The following TBCD variants were observed in gnomAD, a reference collection of about 807,000 sequenced individuals.
The protein encoded by TBCD is tubulin-specific chaperone D.
A neutral mutation model predicts 169.3 loss-of-function variants in TBCD; 105 were observed. The observed-to-expected ratio is 0.62, with a 90% CI of 0.53 to 0.73. TBCD has a LOEUF of 0.73. Among genes scored for constraint, TBCD ranks in the 30% least tolerant of loss-of-function variants. The pLI, the probability that TBCD is intolerant of heterozygous loss-of-function variation, is 0.00. For synonymous variants in TBCD, 700 were observed against 643.9 expected (o/e 1.09, Z -1.32); for missense variants, 1,444 against 1,600.1 (o/e 0.90, Z 1.66).
rs1206646550 is a variant in TBCD at position 82,870,332 on chromosome 17, G to C, written c.1427G>C (p.Arg476Pro). The change falls in exon 14 of 39, where the codon CGT (arginine) becomes CCT (proline). Residue 476 changes from arginine to proline, a missense_variant. Transcript: ENST00000355528. ...TGCTACGTGTGCTGGGCCTTCGCGC[G>C]TGCCTATGAGCCTCAGGAGCTGAAG... ...AACYVCWAFARAYEPQELKPF... is the reference protein window; with the variant it reads ...AACYVCWAFAPAYEPQELKPF... The C allele has an allele frequency of 6.2e-7, 1 of 1,613,360 alleles. No individual in the cohort carries two copies. The highest frequency in any genetic ancestry group is 2.2e-5 in the East Asian group (1 of 44,896).
Position 82,929,816 on chromosome 17 carries a change from G to A in TBCD, c.2991+316G>A, listed in dbSNP as rs76068857. On this transcript the variant is annotated intron_variant, in intron 32 of 38. Transcript: ENST00000355528. Reference sequence around the variant, plus strand: ...ACCTGTGTCTGATGCCTGCATGTGGGTACCTGGGCTCCATCAGGTTCTAGA... The same window carrying A: ...ACCTGTGTCTGATGCCTGCATGTGGATACCTGGGCTCCATCAGGTTCTAGA... 7.1e-3 allele frequency: 3,549 copies of A among 500,782 alleles called. 116 individuals carry two copies. The highest frequency in any genetic ancestry group is 0.061 in the African/African-American group (3,170 of 51,682). The allele number at this position is 500,782 out of a possible 1,614,324, so 31.0% of individuals were successfully genotyped here. A position where few individuals can be genotyped will look rare whatever the true frequency, so the allele number is the denominator to read the frequency against.
intron 13 of TBCD, among the ~76,000 whole-genome samples, chr17:82,817,513 T>G (rs1175603591): frequency 6.6e-6 from 1 of 152,132 alleles, no homozygotes; most frequent in Non-Finnish European, 1.5e-5. Context: ...TCCGGGCTGG[T>G]CTCGAACTCC....
In TBCD at chr17:82,752,333, A is replaced by G. The variant is rs1400103676; in HGVS notation, c.140A>G (p.His47Arg). 7.0e-6 allele frequency: 10 copies of G among 1,429,776 alleles called. No homozygotes were observed. Among genetic ancestry groups the G allele is most frequent in the Non-Finnish European group, 9.1e-6 (10 of 1,103,974 alleles). The allele number at this position is 1,429,776 out of a possible 1,614,324, so 88.6% of individuals were successfully genotyped here. Residue 47 changes from histidine to arginine, a missense_variant, in exon 1 of 39, where the codon CAC (histidine) becomes CGC (arginine). His to Arg is a conservative substitution (Grantham distance 29, BLOSUM62 0). Transcript: ENST00000355528. ...CTGCTGGGCCGCCTGCGGGAGGTGC[A>G]CGGCGGCGGCGCGGAGCGCGAGGTG... ...RALLGRLREVHGGGAEREVAL... is the reference protein window; with the variant it reads ...RALLGRLREVRGGGAEREVAL...
At position 82,849,967 on chromosome 17, in the gene TBCD, G is replaced by GTGCTGTTGTTGC. The variant is rs1567886685; in HGVS notation, c.1319-20257_1319-20256insTGCTGTTGTTGC. On this transcript the variant is annotated intron_variant, in intron 13 of 38. Transcript: ENST00000355528. ...GCTGTTGTTGCCTGTGCTGCTGTTG[G>GTGCTGTTGTTGC]CTGTGCTGCTGTTGGCTGTGCTGCT... 1.5e-3 allele frequency among the ~76,000 whole-genome samples: 183 copies of GTGCTGTTGTTGC among 122,796 alleles called. 1 individual carries two copies. Among genetic ancestry groups the GTGCTGTTGTTGC allele is most frequent in the African/African-American group, 5.6e-3 (180 of 32,090 alleles). The allele number at this position is 122,796 out of a possible 152,430, so 80.6% of individuals were successfully genotyped here.
At chr17:82,814,433 G>T (rs1391113580) in intron 12 of TBCD, among the ~76,000 whole-genome samples, 1 of 152,228 alleles carries the variant, frequency 6.6e-6, no homozygotes, top group African/African-American at 2.4e-5. Flanking sequence ...CCTCACTCTC[G>T]GGAGATCTGA....
intron 13 of TBCD, chr17:82,838,868 G>T (rs1052505181): frequency 1.0e-6 from 1 of 985,304 alleles, no homozygotes; most frequent in East Asian, 1.1e-4. Flanking sequence ...TACAGTCGCC[G>T]CCTCATCCTG....
chr17:82,940,242 C>CACAT (rs1241459405), intron 37 of TBCD, among the ~76,000 whole-genome samples: 117 of 151,490 alleles, frequency 7.7e-4, no homozygotes, highest in African/African-American at 2.6e-3. Flanking sequence ...CACACACACA[C>CACAT]ACACTTCTAA....
intron 14 of TBCD, among the ~76,000 whole-genome samples, chr17:82,883,312 TAGG>T (rs1490222708): frequency 6.6e-6 from 1 of 152,236 alleles, no homozygotes; most frequent in Non-Finnish European, 1.5e-5. Context: ...TTTAGGCTGG[TAGG>T]AGGCGCAATC....
At chr17:82,830,782 A>G in intron 13 of TBCD, 1 of 1,613,662 alleles carries the variant, frequency 6.2e-7, no homozygotes, top group Non-Finnish European at 8.5e-7. Flanking sequence ...GAGGGGGCCC[A>G]TCCCGGAGCT....
At chr17:82,916,958 G>A (rs1599530002) in intron 23 of TBCD, among the ~76,000 whole-genome samples, 1 of 150,450 alleles carries the variant, frequency 6.6e-6, no homozygotes, top group Non-Finnish European at 1.5e-5. Flanking sequence ...AATTCTTTAC[G>A]CCTCCTTACA....
Position 82,903,498 on chromosome 17 carries a change from G to A in TBCD, c.1804+20G>A, listed in dbSNP as rs528615886. The A allele has an allele frequency of 5.7e-6, 9 of 1,575,590 alleles. No individual in the cohort carries two copies. Among genetic ancestry groups the A allele is most frequent in the Admixed American group, 1.8e-5 (1 of 54,430 alleles). On this transcript the variant is annotated intron_variant, in intron 19 of 38. Transcript: ENST00000355528. The surrounding 1 kb of genome is among the most constrained non-coding windows in gnomAD (Gnocchi z 4.8). ...CGCAAGGTGGGTGTGTGTCCCGGCCGGCCTGCGGGCACCATGCATGCACTG... is the reference window on the plus strand; with the variant it reads ...CGCAAGGTGGGTGTGTGTCCCGGCCAGCCTGCGGGCACCATGCATGCACTG...
At chr17:82,904,845 T>G (rs1158737044) in intron 19 of TBCD, among the ~76,000 whole-genome samples, 1 of 152,158 alleles carries the variant, frequency 6.6e-6, no homozygotes, top group Non-Finnish European at 1.5e-5. Context: ...CAGTGATAAT[T>G]AACCCTTGCT....
chr17:82,893,589 TA>T lies in TBCD; in HGVS notation c.1607del (p.Tyr536PhefsTer14). Reference protein sequence around the residue: ...HGIDILTTADYFAVGNRSNCF... With the variant: ...HGIDILTTADXFAVGNRSNCF... ...TATTGATATTTTGACCACAGCTGAC[TA>T]TTTTGCCGTCGGTAACAGATCCAAC... On this transcript the variant is annotated frameshift_variant, in exon 17 of 39. Coordinates refer to ENST00000355528, the MANE Select transcript of TBCD (RefSeq NM_005993.5). LOFTEE classifies it high-confidence loss of function. 6.2e-7 allele frequency: 1 copy of T among 1,612,312 alleles called. No individual in the cohort carries two copies. Among genetic ancestry groups the T allele is most frequent in the Non-Finnish European group, 8.5e-7 (1 of 1,179,152 alleles).
chr17:82,845,885 C>T (rs1474121504), intron 13 of TBCD, among the ~76,000 whole-genome samples: 2 of 152,232 alleles, frequency 1.3e-5, no homozygotes, highest in African/African-American at 4.8e-5. Flanking sequence ...CTGTTTTAAT[C>T]CTTTGTGTTC....
At chr17:82,902,510 G>A (rs1374736724) in intron 18 of TBCD, among the ~76,000 whole-genome samples, 1 of 152,224 alleles carries the variant, frequency 6.6e-6, no homozygotes, top group Non-Finnish European at 1.5e-5. Flanking sequence ...CGCTCAGGGT[G>A]TGGAGTCCTG....
intron 4 of TBCD, 143 bp from the exon 5 acceptor site, chr17:82,768,277 A>G: frequency 2.0e-6 from 2 of 992,680 alleles, no homozygotes; most frequent in Non-Finnish European, 3.0e-6. Context: ...AACGGCTTGC[A>G]TTTCTGGCCC....
Position 82,789,908 on chromosome 17 carries a change from G to A in TBCD, c.772-7849G>A, listed in dbSNP as rs529687682. Among the ~76,000 whole-genome samples, 10 of 152,330 alleles carry A rather than the reference G, an allele frequency of 6.6e-5. No homozygotes were observed. Among genetic ancestry groups the A allele is most frequent in the South Asian group, 4.1e-4 (2 of 4,828 alleles). On this transcript the variant is annotated intron_variant, in intron 7 of 38. Coordinates refer to ENST00000355528, the MANE Select transcript of TBCD (RefSeq NM_005993.5). The surrounding 1 kb of genome is among the most constrained non-coding windows in gnomAD (Gnocchi z 4.8). ...AGCCCAGCAACAAATGGGAGCTTCT[G>A]TGCTGCTGTCCGTGCATACGGCCCA...
rs747571234 is a variant in TBCD, at chr17:82,781,727, T to C, written c.771+6T>C. On this transcript the variant is annotated splice_donor_region_variant and intron_variant, in intron 7 of 38. Coordinates refer to ENST00000355528, the MANE Select transcript of TBCD (RefSeq NM_005993.5). ...ATGGGACGCTGCAGGCCCTGGTAAGTGCTGCCCGCAGGGGCTGTGGAGATC... is the reference window on the plus strand; with the variant it reads ...ATGGGACGCTGCAGGCCCTGGTAAGCGCTGCCCGCAGGGGCTGTGGAGATC... The C allele has an allele frequency of 6.2e-7, 1 of 1,613,290 alleles. No homozygotes were observed. Among genetic ancestry groups the C allele is most frequent in the South Asian group, 1.1e-5 (1 of 91,066 alleles).
chr17:82,765,756 A>G (rs1437004366), intron 3 of TBCD, among the ~76,000 whole-genome samples: 2 of 152,224 alleles, frequency 1.3e-5, no homozygotes, highest in African/African-American at 2.4e-5. Context: ...AGTCATATAA[A>G]TGAACATATT....
Sources: allele counts gnomAD v4.1 joint callset (sites outside exome capture counted in the v4.1 genomes callset), GRCh38; gene constraint gnomAD v4.1.1; non-coding constraint Gnocchi (gnomAD v3.1); transcripts MANE v1.5; gene names NCBI Gene and HGNC (gene_info 2026-07-23, HGNC 2026-07-21).